Variants in SLC1A2 observed in about 807,000 individuals in gnomAD.
SLC1A2 encodes excitatory amino acid transporter 2.
A neutral mutation model predicts 48.8 loss-of-function variants in SLC1A2; 15 were observed. The observed-to-expected ratio is 0.31, with a 90% confidence interval of 0.21 to 0.47. SLC1A2 has a LOEUF of 0.47. Among genes scored for constraint, SLC1A2 ranks in the 20% least tolerant of loss-of-function variants. The pLI is 0.99. For synonymous variants in SLC1A2, 279 were observed against 272.6 expected (o/e 1.02, Z -0.23); for missense variants, 502 against 730.5 (o/e 0.69, Z 3.61).
In SLC1A2 at chr11:35,315,004, A is replaced by G; in HGVS notation, c.310+19T>C. Reference sequence around the variant, plus strand: ...GGAGTATGACCCATGTTAGCCAGGCACTAGTGAGGTAGTCTTACCTGTGAT... The same window carrying G: ...GGAGTATGACCCATGTTAGCCAGGCGCTAGTGAGGTAGTCTTACCTGTGAT... On this transcript the variant is annotated intron_variant, in intron 3 of 10. Coordinates refer to ENST00000278379, the MANE Select transcript of SLC1A2 (RefSeq NM_004171.4). The G allele has an allele frequency of 6.3e-7, 1 of 1,598,208 alleles. No homozygotes were observed. The highest frequency in any genetic ancestry group is 8.6e-7 in the Non-Finnish European group (1 of 1,165,762).
intron 1 of SLC1A2, among the ~76,000 whole-genome samples, chr11:35,395,004 G>A (rs750333201): frequency 1.3e-5 from 2 of 152,156 alleles, no homozygotes; most frequent in Non-Finnish European, 2.9e-5. Flanking sequence ...AGAGACCCCC[G>A]AGGAGAGCGT....
chr11:35,312,747 T>C (rs1050140343), intron 3 of SLC1A2, among the ~76,000 whole-genome samples: 1 of 152,274 alleles, frequency 6.6e-6, no homozygotes, highest in African/African-American at 2.4e-5. Context: ...CCTAATACAA[T>C]GTAAATGCTA....
At chr11:35,394,908 C>A (rs565127299) in intron 1 of SLC1A2, among the ~76,000 whole-genome samples, 3 of 152,212 alleles carry the variant, frequency 2.0e-5, no homozygotes, top group Non-Finnish European at 1.5e-5. Context: ...AAAAGCATTT[C>A]TCTCCTTGGT....
intron 1 of SLC1A2, among the ~76,000 whole-genome samples, chr11:35,348,081 G>T (rs533344554): frequency 1.3e-5 from 2 of 152,198 alleles, no homozygotes; most frequent in African/African-American, 4.8e-5. Context: ...TTCATGGAAA[G>T]TGCCCAGCCC....
intron 8 of SLC1A2, among the ~76,000 whole-genome samples, chr11:35,282,842 T>C (rs1216349204): frequency 6.6e-6 from 1 of 152,188 alleles, no homozygotes; most frequent in African/African-American, 2.4e-5. Flanking sequence ...TTTCCCCTCT[T>C]GTCCCTAATA....
At chr11:35,382,024 A>G (rs1203206783) in intron 1 of SLC1A2, among the ~76,000 whole-genome samples, 2 of 152,238 alleles carry the variant, frequency 1.3e-5, no homozygotes, top group Admixed American at 6.5e-5. Context: ...AGATTCCCAC[A>G]ACAACCTTAT....
chr11:35,372,156 A>G (rs1854083525), intron 1 of SLC1A2, among the ~76,000 whole-genome samples: 1 of 152,194 alleles, frequency 6.6e-6, no homozygotes, highest in South Asian at 2.1e-4. Flanking sequence ...AGGGCAAGGG[A>G]AGGAAGTATG....
intron 1 of SLC1A2, among the ~76,000 whole-genome samples, chr11:35,378,168 A>G (rs1376576786): frequency 3.3e-5 from 5 of 152,240 alleles, no homozygotes; most frequent in African/African-American, 1.2e-4. Context: ...ACTAACTCCA[A>G]ATTCTGAACG....
intron 1 of SLC1A2, among the ~76,000 whole-genome samples, chr11:35,417,763 T>C (rs1370936061): frequency 6.6e-6 from 1 of 152,204 alleles, no homozygotes; most frequent in Non-Finnish European, 1.5e-5. Flanking sequence ...GAATTCCTTC[T>C]CCTGGACAGA....
At chr11:35,344,636 G>C (rs1318418188) in intron 1 of SLC1A2, among the ~76,000 whole-genome samples, 1 of 152,128 alleles carries the variant, frequency 6.6e-6, no homozygotes, top group Non-Finnish European at 1.5e-5. Flanking sequence ...TTCTGACATG[G>C]CTCTGTGATT....
intron 4 of SLC1A2, among the ~76,000 whole-genome samples, chr11:35,311,934 GGGT>G (rs148431547): frequency 0.01 from 141 of 13,648 alleles, 22 homozygotes; most frequent in African/African-American, 0.012. Flanking sequence ...CGGGGGGGGG[GGGT>G]GGGGGAGAAA....
At chr11:35,375,313 T>C (rs1224702252) in intron 1 of SLC1A2, among the ~76,000 whole-genome samples, 2 of 152,212 alleles carry the variant, frequency 1.3e-5, no homozygotes, top group African/African-American at 4.8e-5. Context: ...ACCCAGTCAG[T>C]CCTTCCAGAG....
chr11:35,400,988 T>G (rs1248057499), intron 1 of SLC1A2, among the ~76,000 whole-genome samples: 1 of 151,818 alleles, frequency 6.6e-6, no homozygotes, highest in Non-Finnish European at 1.5e-5. Context: ...GCAGGACAAC[T>G]GGAAGCAAGG....
intron 1 of SLC1A2, among the ~76,000 whole-genome samples, chr11:35,338,563 T>C (rs1414079672): frequency 6.6e-6 from 1 of 152,138 alleles, no homozygotes; most frequent in African/African-American, 2.4e-5. Flanking sequence ...GAGGAGCTCT[T>C]CTTTGCTGAG....
intron 6 of SLC1A2, among the ~76,000 whole-genome samples, chr11:35,296,954 G>T (rs1851193758): frequency 6.6e-6 from 1 of 151,954 alleles, no homozygotes; most frequent in Non-Finnish European, 1.5e-5. Context: ...ACAAGGGCCA[G>T]AACCTTTCTC....
chr11:35,355,778 G>A (rs1590222150), intron 1 of SLC1A2, among the ~76,000 whole-genome samples: 1 of 151,890 alleles, frequency 6.6e-6, no homozygotes, highest in South Asian at 2.1e-4. Context: ...CCAGCTACTC[G>A]GGAGGCTGAG....
intron 7 of SLC1A2, among the ~76,000 whole-genome samples, chr11:35,290,907 G>A (rs935643916): frequency 6.6e-6 from 1 of 152,128 alleles, no homozygotes; most frequent in Non-Finnish European, 1.5e-5. Flanking sequence ...TACTAGCACT[G>A]AATCCTCATT....
intron 1 of SLC1A2, among the ~76,000 whole-genome samples, chr11:35,378,115 C>T (rs1026855859): frequency 5.9e-5 from 9 of 152,228 alleles, no homozygotes; most frequent in Non-Finnish European, 1.3e-4. Context: ...GAAACATAAT[C>T]AGCACCACCA....
chr11:35,345,479 G>A lies in SLC1A2; in HGVS notation c.18-27963C>T, dbSNP rs140798583. ...TTTCACTCCCTGTTCCATGTGCAAGGCTCACTGGGCGCCAATAATTGCACC... is the reference window on the plus strand; with the variant it reads ...TTTCACTCCCTGTTCCATGTGCAAGACTCACTGGGCGCCAATAATTGCACC... On this transcript the variant is annotated intron_variant, in intron 1 of 10. Coordinates refer to ENST00000278379, the MANE Select transcript of SLC1A2 (RefSeq NM_004171.4). Among the ~76,000 whole-genome samples the A allele has an allele frequency of 1.9e-3, 292 of 152,260 alleles. 1 individual carries two copies. Among genetic ancestry groups the A allele is most frequent in the African/African-American group, 6.8e-3 (283 of 41,554 alleles).
Sources: gnomAD v4.1 joint callset for allele counts (sites outside exome capture counted in the v4.1 genomes callset) on GRCh38, gnomAD v4.1.1 for gene constraint, MANE v1.5 for transcripts, NCBI Gene and HGNC (gene_info 2026-07-23, HGNC 2026-07-21) for gene names.